The following ERBB4 variants were observed in gnomAD, a reference collection of about 807,000 sequenced individuals.
ERBB4 encodes receptor tyrosine-protein kinase erbB-4.
A neutral mutation model predicts 158.0 loss-of-function variants in ERBB4; 42 were observed. The observed-to-expected ratio is 0.27, with a 90% CI of 0.21 to 0.34. The LOEUF is 0.34. ERBB4 is among the 10% of genes least tolerant of loss of function. ERBB4 has a pLI of 1.00. For missense variants in ERBB4, 1,333 were observed against 1,624.1 expected, an observed-to-expected ratio of 0.82 and a Z score of 3.08; for synonymous variants, 583 against 558.7, an observed-to-expected ratio of 1.04 and a Z score of -0.61.
At chr2:212,101,478 G>T (rs753337957) in intron 2 of ERBB4, among the ~76,000 whole-genome samples, 1 of 151,292 alleles carries the variant, frequency 6.6e-6, no homozygotes, top group Non-Finnish European at 1.5e-5. Flanking sequence ...CTTCTTAAAA[G>T]ATAATGTATT....
chr2:211,935,657 G>C (rs1300359533), intron 3 of ERBB4, among the ~76,000 whole-genome samples: 2 of 151,948 alleles, frequency 1.3e-5, no homozygotes, highest in Non-Finnish European at 2.9e-5. Context: ...AGCATCCGAG[G>C]GTCTTCAGCT....
At chr2:211,965,767 T>C (rs1183545700) in intron 2 of ERBB4, among the ~76,000 whole-genome samples, 1 of 152,222 alleles carries the variant, frequency 6.6e-6, no homozygotes, top group Non-Finnish European at 1.5e-5. Context: ...AGAAGGCCAT[T>C]GATTTCTATA....
At chr2:211,813,553 C>T (rs540386801) in intron 3 of ERBB4, among the ~76,000 whole-genome samples, 14 of 152,126 alleles carry the variant, frequency 9.2e-5, no homozygotes, top group South Asian at 6.2e-4. Flanking sequence ...TTTTCTATCC[C>T]GTTTATCTTT....
At chr2:211,705,902 T>C (rs1411268542) in intron 9 of ERBB4, among the ~76,000 whole-genome samples, 1 of 152,138 alleles carries the variant, frequency 6.6e-6, no homozygotes, top group African/African-American at 2.4e-5. Flanking sequence ...ACTTGTGAAT[T>C]TTCATAATAT....
intron 12 of ERBB4, among the ~76,000 whole-genome samples, chr2:211,699,442 T>C (rs186040911): frequency 1.0e-3 from 157 of 152,270 alleles, no homozygotes; most frequent in Non-Finnish European, 1.9e-3. Context: ...ATTGTAAACA[T>C]CAGCAGCATC....
chr2:211,680,861 T>C (rs908745113), intron 12 of ERBB4, among the ~76,000 whole-genome samples: 3 of 152,208 alleles, frequency 2.0e-5, no homozygotes, highest in Non-Finnish European at 2.9e-5. Flanking sequence ...AGCAGTTTTA[T>C]TGAAGTATAC....
chr2:212,127,811 C>A (rs2079989161), intron 1 of ERBB4, among the ~76,000 whole-genome samples: 1 of 151,966 alleles, frequency 6.6e-6, no homozygotes, highest in Admixed American at 6.6e-5. Flanking sequence ...AGCTATGTAC[C>A]TACAAGCCAA....
At chr2:212,284,172 GT>G (rs2085868489) in intron 1 of ERBB4, among the ~76,000 whole-genome samples, 2 of 152,082 alleles carry the variant, frequency 1.3e-5, no homozygotes, top group Admixed American at 6.6e-5. Context: ...AAGAATATAA[GT>G]TTTTCTCATG....
chr2:211,796,777 G>A (rs1316665422), intron 3 of ERBB4, among the ~76,000 whole-genome samples: 2 of 151,864 alleles, frequency 1.3e-5, no homozygotes, highest in African/African-American at 4.8e-5. Flanking sequence ...GTCTTACTAT[G>A]TGTAAAACAT....
chr2:212,503,321 C>T (rs1691002675), intron 1 of ERBB4, among the ~76,000 whole-genome samples: 1 of 152,056 alleles, frequency 6.6e-6, no homozygotes, highest in African/African-American at 2.4e-5. Flanking sequence ...TAAAATCTCT[C>T]AGTTAAAACT....
intron 1 of ERBB4, among the ~76,000 whole-genome samples, chr2:212,176,942 T>C (rs1559662908): frequency 6.6e-6 from 1 of 152,054 alleles, no homozygotes; most frequent in East Asian, 1.9e-4. Flanking sequence ...GATAAGCATA[T>C]TCTTAAACTA....
intron 20 of ERBB4, among the ~76,000 whole-genome samples, chr2:211,463,330 G>T (rs2064586650): frequency 6.6e-6 from 1 of 152,116 alleles, no homozygotes; most frequent in South Asian, 2.1e-4. Context: ...GATTAAGAAG[G>T]CTAATTTAAT....
At chr2:211,722,615 T>A (rs1045418629) in intron 6 of ERBB4, 81 bp from the exon 7 acceptor site, 8 of 1,355,300 alleles carry the variant, frequency 5.9e-6, no homozygotes, top group Non-Finnish European at 8.4e-6. Context: ...ACAGGAGAAG[T>A]TTTTTTCTAT....
intron 20 of ERBB4, among the ~76,000 whole-genome samples, chr2:211,550,694 G>T (rs2067066992): frequency 7.7e-6 from 1 of 130,682 alleles, no homozygotes; most frequent in South Asian, 2.3e-4. Context: ...CTTAGAATAA[G>T]TATATATATA....
intron 3 of ERBB4, among the ~76,000 whole-genome samples, chr2:211,856,994 T>C (rs986815541): frequency 6.6e-6 from 1 of 152,156 alleles, no homozygotes; most frequent in African/African-American, 2.4e-5. Flanking sequence ...TAAAAAGTTA[T>C]TATATGTAAT....
At chr2:211,632,671 G>C (rs888243743) in intron 16 of ERBB4, among the ~76,000 whole-genome samples, 1 of 152,004 alleles carries the variant, frequency 6.6e-6, no homozygotes, top group African/African-American at 2.4e-5. Flanking sequence ...TCCAGGAGAA[G>C]AAACTAATAC....
At chr2:211,747,988 A>G (rs1403351703) in intron 5 of ERBB4, among the ~76,000 whole-genome samples, 2 of 151,868 alleles carry the variant, frequency 1.3e-5, no homozygotes, top group Non-Finnish European at 2.9e-5. Context: ...AATCATCTCT[A>G]TATTACTTAT....
At chr2:211,551,669 A>G (rs952843735) in intron 20 of ERBB4, among the ~76,000 whole-genome samples, 1 of 152,178 alleles carries the variant, frequency 6.6e-6, no homozygotes, top group African/African-American at 2.4e-5. Flanking sequence ...AAATTTCTAT[A>G]ATTTGCATAT....
intron 2 of ERBB4, among the ~76,000 whole-genome samples, chr2:212,074,729 A>C (rs1188264709): frequency 6.6e-6 from 1 of 151,912 alleles, no homozygotes; most frequent in South Asian, 2.1e-4. Flanking sequence ...TTCTAAGGAC[A>C]TATTTTCTTA....
Sources: allele counts gnomAD v4.1 joint callset (sites outside exome capture counted in the v4.1 genomes callset), GRCh38; gene constraint gnomAD v4.1.1; transcripts MANE v1.5; gene names NCBI Gene and HGNC (gene_info 2026-07-23, HGNC 2026-07-21).